The following FMN2 variants were observed in gnomAD, a reference collection of about 807,000 sequenced individuals.
FMN2 encodes the protein formin-2.
In FMN2, 51 loss-of-function variants were observed where a neutral mutation model predicts 142.3. The observed-to-expected ratio is 0.36, with a 90% CI of 0.29 to 0.45. The LOEUF (loss-of-function observed/expected upper bound fraction) is 0.45, where lower values mean the gene tolerates loss of function less well. FMN2 is among the 20% of genes least tolerant of loss of function. FMN2 has a pLI of 1.00. For synonymous variants in FMN2, 882 were observed against 869.8 expected, an observed-to-expected ratio of 1.01 and a Z score of -0.25; for missense variants, 1,936 against 2,122.8, an observed-to-expected ratio of 0.91 and a Z score of 1.73.
chr1:240,309,445 C>T (rs994278), intron 8 of FMN2, among the ~76,000 whole-genome samples: 35,909 of 152,062 alleles, frequency 0.24, 7,785 homozygotes, highest in African/African-American at 0.58. Flanking sequence ...AAACAAACCT[C>T]AGGGCACAGG....
At position 240,278,206 on chromosome 1, in the gene FMN2, T is replaced by C. The variant is rs566641231; in HGVS notation, c.4154-16616T>C. Among the ~76,000 whole-genome samples the C allele has an allele frequency of 3.9e-5, 6 of 152,142 alleles. No individual in the cohort carries two copies. In the East Asian group the frequency reaches 7.7e-4, roughly 20 times the overall value. On this transcript the variant is annotated intron_variant, in intron 7 of 17. Transcript: ENST00000319653. ...GGCTCCTGGCCTCACTGCTGCAGAG[T>C]GTCTGGAATGAGCATTTGTAGGGTC...
Position 240,091,903 on chromosome 1 carries a change from G to C in FMN2, c.-207G>C, listed in dbSNP as rs12727981. On this transcript the variant is annotated 5_prime_UTR_variant, in exon 1 of 18. Transcript: ENST00000319653. ...TAGCCGCAGCCGCAGCCGCAGCGAC[G>C]GCAGCCACGGGAGCCGCCGCGCATT... 5 of 818,922 alleles carry C rather than the reference G, an allele frequency of 6.1e-6. No homozygotes were observed. The highest frequency in any genetic ancestry group is 3.5e-5 in the East Asian group (1 of 28,474). The allele number at this position is 818,922 out of a possible 1,614,324, so 50.7% of individuals were successfully genotyped here. A position where few individuals can be genotyped will look rare whatever the true frequency, so the allele number is the denominator to read the frequency against.
At chr1:240,152,529 A>G (rs1172300070) in intron 2 of FMN2, among the ~76,000 whole-genome samples, 1 of 152,080 alleles carries the variant, frequency 6.6e-6, no homozygotes, top group Non-Finnish European at 1.5e-5. Context: ...TAGCAGTAGC[A>G]TCATGCGGTA....
chr1:240,308,080 G>A (rs1670475650), intron 8 of FMN2, among the ~76,000 whole-genome samples: 1 of 152,148 alleles, frequency 6.6e-6, no homozygotes, highest in Non-Finnish European at 1.5e-5. Flanking sequence ...GCCCAGGATG[G>A]TGGGTACAAT....
chr1:240,393,042 C>T lies in FMN2; in HGVS notation c.4910+480C>T, dbSNP rs537656863. 3.3e-5 allele frequency among the ~76,000 whole-genome samples: 5 copies of T among 152,146 alleles called. No individual in the cohort carries two copies. The South Asian group carries it at 8.3e-4, about 25-fold the overall frequency. ...TTCTGCCTCCATTTTCTCTTCTTCT[C>T]GCATCTCTCTATATACGTCAGGGTT... On this transcript the variant is annotated intron_variant, in intron 15 of 17. Coordinates refer to ENST00000319653, the MANE Select transcript of FMN2 (RefSeq NM_020066.5).
At chr1:240,371,001 G>A (rs1409466824) in intron 14 of FMN2, among the ~76,000 whole-genome samples, 1 of 152,058 alleles carries the variant, frequency 6.6e-6, no homozygotes. Flanking sequence ...TACAGTGGCG[G>A]GATCTCAACT....
chr1:240,143,633 A>G, intron 2 of FMN2: 2 of 1,610,170 alleles, frequency 1.2e-6, no homozygotes, highest in South Asian at 1.1e-5. Context: ...AATGGCTCTG[A>G]TGCAACCTCC....
At chr1:240,165,751 G>T (rs1664456317) in intron 2 of FMN2, among the ~76,000 whole-genome samples, 1 of 151,912 alleles carries the variant, frequency 6.6e-6, no homozygotes, top group Non-Finnish European at 1.5e-5. Context: ...TCACCTTGAG[G>T]TATGTTCAAA....
intron 4 of FMN2, among the ~76,000 whole-genome samples, chr1:240,189,005 G>A (rs1405044239): frequency 1.3e-5 from 2 of 152,124 alleles, no homozygotes; most frequent in East Asian, 3.9e-4. Context: ...CCATGATTCA[G>A]TCATCTCCCA....
intron 6 of FMN2, among the ~76,000 whole-genome samples, chr1:240,235,574 G>A (rs1406376166): frequency 6.9e-6 from 1 of 145,778 alleles, no homozygotes; most frequent in African/African-American, 2.4e-5. Flanking sequence ...ACCATGCCTG[G>A]CTAATTAAAA....
chr1:240,452,027 TA>T (rs1169326100), intron 16 of FMN2, among the ~76,000 whole-genome samples: 1 of 151,862 alleles, frequency 6.6e-6, no homozygotes, highest in Non-Finnish European at 1.5e-5. Flanking sequence ...CCGTCTCTAC[TA>T]AAAATACAAA....
chr1:240,290,210 A>G (rs1268865301), intron 7 of FMN2, among the ~76,000 whole-genome samples: 4 of 152,172 alleles, frequency 2.6e-5, no homozygotes, highest in East Asian at 1.9e-4. Flanking sequence ...TTCTGTTTGG[A>G]CATTTTGAGA....
intron 15 of FMN2, among the ~76,000 whole-genome samples, chr1:240,409,511 G>C (rs757040991): frequency 6.6e-6 from 1 of 152,116 alleles, no homozygotes; most frequent in Non-Finnish European, 1.5e-5. Flanking sequence ...TTGCATTTCT[G>C]TATTGTTAAA....
chr1:240,206,432 T>C (rs59226539), intron 4 of FMN2, among the ~76,000 whole-genome samples: 3,455 of 152,242 alleles, frequency 0.023, 134 homozygotes, highest in African/African-American at 0.078. Flanking sequence ...GGGATTACCT[T>C]TAAAATGTTT....
intron 6 of FMN2, among the ~76,000 whole-genome samples, chr1:240,236,390 C>T (rs978168427): frequency 1.3e-5 from 2 of 152,146 alleles, no homozygotes; most frequent in Admixed American, 1.3e-4. Flanking sequence ...TCCTCGTCGC[C>T]AGCATTAAAG....
At chr1:240,214,723 G>A (rs78492633) in intron 6 of FMN2, among the ~76,000 whole-genome samples, 3,281 of 152,090 alleles carry the variant, frequency 0.022, 115 homozygotes, top group African/African-American at 0.075. Flanking sequence ...TTTAATGTTT[G>A]TAATGACCCT....
At chr1:240,311,157 C>T (rs1670592348) in intron 8 of FMN2, among the ~76,000 whole-genome samples, 3 of 152,102 alleles carry the variant, frequency 2.0e-5, no homozygotes. Context: ...ATTTCACAGG[C>T]ATACTTTATA....
chr1:240,446,337 G>A (rs1023273089), intron 16 of FMN2, among the ~76,000 whole-genome samples: 1 of 152,184 alleles, frequency 6.6e-6, no homozygotes, highest in Non-Finnish European at 1.5e-5. Flanking sequence ...AGCTAAGAAC[G>A]TGGCTTGTCC....
intron 7 of FMN2, among the ~76,000 whole-genome samples, chr1:240,274,962 A>G (rs1283729370): frequency 6.6e-6 from 1 of 152,118 alleles, no homozygotes; most frequent in African/African-American, 2.4e-5. Flanking sequence ...GAATGGAAAG[A>G]CAGTGATTTG....
Sources: allele counts gnomAD v4.1 joint callset (sites outside exome capture counted in the v4.1 genomes callset), GRCh38; gene constraint gnomAD v4.1.1; transcripts MANE v1.5; gene names NCBI Gene and HGNC (gene_info 2026-07-23, HGNC 2026-07-21).